ATP1B3: variants seen among roughly 807,000 people sequenced by gnomAD.
ATP1B3 encodes sodium/potassium-transporting ATPase subunit beta-3.
Under a neutral mutation model 30.2 loss-of-function variants are expected in ATP1B3, and 10 were observed. That is an observed-to-expected ratio of 0.33 (90% CI 0.20 to 0.56). The LOEUF is 0.56. ATP1B3 is among the 20% of genes least tolerant of loss of function. The pLI, the probability that ATP1B3 is intolerant of heterozygous loss-of-function variation, is 0.90. For missense variants in ATP1B3, 238 were observed against 336.7 expected (o/e 0.71, Z 2.29); for synonymous variants, 113 against 117.0 (o/e 0.97, Z 0.22).
chr3:141,902,153 G>C, intron 1 of ATP1B3: 1 of 1,289,810 alleles, frequency 7.8e-7, no homozygotes, highest in Non-Finnish European at 1.0e-6. Context: ...GTATGTGGTA[G>C]GGAAGTGATG....
chr3:141,902,098 T>C lies in ATP1B3; in HGVS notation c.110-1522T>C, dbSNP rs1224834738. On this transcript the variant is annotated intron_variant, in intron 1 of 6. Transcript: ENST00000286371. ...TCATTTCCCTCTATAGCAAACTGTTTACTTCTTTGAGATTGGTCTTTTCTT... is the reference window on the plus strand; with the variant it reads ...TCATTTCCCTCTATAGCAAACTGTTCACTTCTTTGAGATTGGTCTTTTCTT... 15 of 1,272,714 alleles carry C rather than the reference T, an allele frequency of 1.2e-5. No individual in the cohort carries two copies. In the South Asian group the frequency reaches 1.5e-4, roughly 13 times the overall value. The allele number at this position is 1,272,714 out of a possible 1,614,324, so 78.8% of individuals were successfully genotyped here.
chr3:141,904,200 T>G (rs1156418258), intron 2 of ATP1B3, among the ~76,000 whole-genome samples: 1 of 152,204 alleles, frequency 6.6e-6, no homozygotes, highest in Non-Finnish European at 1.5e-5. Context: ...GGTTTTAATT[T>G]TTGTTGTTGT....
intron 1 of ATP1B3, among the ~76,000 whole-genome samples, chr3:141,899,830 T>C (rs1051889610): frequency 1.8e-4 from 28 of 151,892 alleles, no homozygotes; most frequent in African/African-American, 6.8e-4. Context: ...GATCACACCA[T>C]TGCACTCCAG....
Position 141,922,012 on chromosome 3 carries a change from T to C in ATP1B3, c.618T>C (p.His206=), listed in dbSNP as rs200606786. 3.9e-6 allele frequency: 6 copies of C among 1,554,412 alleles called. No individual in the cohort carries two copies. The highest frequency in any genetic ancestry group is 2.4e-5 in the South Asian group (2 of 84,320). Reference sequence around the variant, plus strand: ...TACCAAATGTAGCAGTTTATCCTCATAATGGAATGATAGACTTAAAATATT... The same window carrying C: ...TACCAAATGTAGCAGTTTATCCTCACAATGGAATGATAGACTTAAAATATT... ...EDIPNVAVYP[H]NGMIDLKYFP... is the part of the protein sequence containing the mutation. Residue 206 remains histidine, a synonymous_variant, in exon 6 of 7, where the codon CAT becomes CAC. Transcript: ENST00000286371.
chr3:141,903,277 T>C (rs1249855534), intron 1 of ATP1B3, among the ~76,000 whole-genome samples: 1 of 152,212 alleles, frequency 6.6e-6, no homozygotes, highest in East Asian at 1.9e-4. Context: ...AAAACCATCT[T>C]GTATCTTTTT....
intron 2 of ATP1B3, among the ~76,000 whole-genome samples, chr3:141,904,642 T>TA (rs1390611298): frequency 1.3e-5 from 2 of 151,112 alleles, no homozygotes. Flanking sequence ...ATGTATGCAG[T>TA]AAAAAACTGA....
At chr3:141,920,957 C>A (rs1488550491) in intron 5 of ATP1B3, among the ~76,000 whole-genome samples, 3 of 152,158 alleles carry the variant, frequency 2.0e-5, no homozygotes, top group Non-Finnish European at 4.4e-5. Flanking sequence ...ACCCCACAGC[C>A]ATATGCTGCT....
chr3:141,877,006 G>C, intron 1 of ATP1B3, 96 bp downstream of exon 1: 1 of 972,214 alleles, frequency 1.0e-6, no homozygotes, highest in Non-Finnish European at 1.4e-6. Context: ...GCGGCTCCCA[G>C]CGCCGGGGCT....
At chr3:141,916,437 T>C (rs1481707654) in intron 5 of ATP1B3, 1 of 632,116 alleles carries the variant, frequency 1.6e-6, no homozygotes, top group Admixed American at 2.3e-5. Context: ...GCATTTTCCT[T>C]AAGGTAGAAG....
intron 1 of ATP1B3, among the ~76,000 whole-genome samples, chr3:141,901,695 T>G (rs1415832881): frequency 8.2e-6 from 1 of 121,550 alleles, no homozygotes; most frequent in African/African-American, 2.6e-5. Flanking sequence ...TGCTATATAT[T>G]TATTTGCTTT....
At chr3:141,924,339 CA>C (rs34894586) in intron 6 of ATP1B3, among the ~76,000 whole-genome samples, 90,496 of 112,818 alleles carry the variant, frequency 0.8, 35,311 homozygotes, top group Middle Eastern at 0.86. Flanking sequence ...TGCAATGTCT[CA>C]AAAAAAAAAA....
chr3:141,914,030 G>A lies in ATP1B3; in HGVS notation c.531+194G>A, dbSNP rs187975066. On this transcript the variant is annotated intron_variant, in intron 4 of 6. Transcript: ENST00000286371. ...AAAGTTTATATGGCAAAAAAAAGAG[G>A]TTCATAGATTAATCATGGAGTAAGG... is the stretch of plus-strand genomic sequence containing the variant. 5.8e-4 allele frequency among the ~76,000 whole-genome samples: 88 copies of A among 152,234 alleles called. 1 individual carries two copies. Among genetic ancestry groups the A allele is most frequent in the Admixed American group, 1.2e-3 (19 of 15,274 alleles).
chr3:141,925,716 C>T lies in ATP1B3; in HGVS notation c.*15C>T, dbSNP rs1335518461. On this transcript the variant is annotated 3_prime_UTR_variant, in exon 7 of 7. Transcript: ENST00000286371. ...CACGTGCATAGTATGAGTAGGATAT[C>T]TCCACAGAGTAAATGTTGTGTTGTC... 5 of 1,604,486 alleles carry T rather than the reference C, an allele frequency of 3.1e-6. No homozygotes were observed. The highest frequency in any genetic ancestry group is 4.3e-6 in the Non-Finnish European group (5 of 1,176,322).
chr3:141,923,408 G>A (rs1934601524), intron 6 of ATP1B3, among the ~76,000 whole-genome samples: 1 of 152,182 alleles, frequency 6.6e-6, no homozygotes, highest in South Asian at 2.1e-4. Context: ...GTGATGCCTT[G>A]CACCACCTCA....
At chr3:141,877,284 G>A (rs1933623385) in intron 1 of ATP1B3, among the ~76,000 whole-genome samples, 3 of 147,000 alleles carry the variant, frequency 2.0e-5, no homozygotes, top group Non-Finnish European at 4.5e-5. Flanking sequence ...GGCCTCCTTT[G>A]TACGGAGCGC....
chr3:141,919,027 A>C (rs1001992262), intron 5 of ATP1B3: 3 of 152,266 alleles, frequency 2.0e-5, no homozygotes, highest in African/African-American at 7.2e-5. Context: ...AGTCACAAGT[A>C]GTAAACCAGT....
At chr3:141,896,672 T>C (rs1934072301) in intron 1 of ATP1B3, among the ~76,000 whole-genome samples, 1 of 152,218 alleles carries the variant, frequency 6.6e-6, no homozygotes, top group Non-Finnish European at 1.5e-5. Flanking sequence ...TCTTCTTCAG[T>C]TTTGATTCTT....
At chr3:141,924,242 G>C (rs1462714223) in intron 6 of ATP1B3, among the ~76,000 whole-genome samples, 1 of 151,926 alleles carries the variant, frequency 6.6e-6, no homozygotes, top group African/African-American at 2.4e-5. Context: ...TACCCAGGAG[G>C]CTGAGGCAGG....
chr3:141,904,191 G>T (rs913553174), intron 2 of ATP1B3, among the ~76,000 whole-genome samples: 1 of 152,100 alleles, frequency 6.6e-6, no homozygotes, highest in Admixed American at 6.5e-5. Flanking sequence ...TAATGTGAAG[G>T]TTTTAATTTT....
Sources: allele counts gnomAD v4.1 joint callset (sites outside exome capture counted in the v4.1 genomes callset), GRCh38; gene constraint gnomAD v4.1.1; transcripts MANE v1.5; gene names NCBI Gene and HGNC (gene_info 2026-07-23, HGNC 2026-07-21).